The following TMEM164 variants were observed in gnomAD, a reference collection of about 807,000 sequenced individuals.
TMEM164 encodes transmembrane protein 164, also known as RP13-360B22.2.
TMEM164 carries 4 observed loss-of-function variants against 18.8 expected under a neutral mutation model. That is an observed-to-expected ratio of 0.21 (90% CI 0.10 to 0.49). The LOEUF is 0.49. Ranked by LOEUF, TMEM164 falls within the 20% of genes least tolerant of loss-of-function variation. TMEM164 has a pLI of 0.98. For missense variants in TMEM164, 108 were observed against 239.9 expected (o/e 0.45, Z 3.63); for synonymous variants, 86 against 101.7 (o/e 0.85, Z 0.93).
intron 2 of TMEM164, among the ~76,000 whole-genome samples, chrX:110,027,073 C>A (rs1232066038): frequency 1.8e-5 from 2 of 110,879 alleles, no homozygotes; most frequent in African/African-American, 6.6e-5. Context: ...CCGTATAGTG[C>A]TTAATACAAG....
At position 110,068,407 on chromosome X, in the gene TMEM164, A is replaced by C. The variant is rs138685650; in HGVS notation, c.440+1011A>C. Among the ~76,000 whole-genome samples, 582 of 112,054 alleles carry C rather than the reference A, an allele frequency of 5.2e-3. 6 individuals carry two copies. Among genetic ancestry groups the C allele is most frequent in the African/African-American group, 0.018 (552 of 30,881 alleles). ...TATTTAACCCTGTTTTCCTTCCTTG[A>C]TTTTCCAAAATGAGCTCAATTATTC... On this transcript the variant is annotated intron_variant, in intron 3 of 6. Coordinates refer to ENST00000372068, the MANE Select transcript of TMEM164 (RefSeq NM_032227.4).
At chrX:110,018,701 T>C (rs746392450) in intron 2 of TMEM164, among the ~76,000 whole-genome samples, 1 of 112,525 alleles carries the variant, frequency 8.9e-6, no homozygotes, top group African/African-American at 3.2e-5. Flanking sequence ...ATGGGGTTCT[T>C]GTAAGAATTA....
chrX:110,072,284 G>A (rs2065605304), intron 3 of TMEM164, among the ~76,000 whole-genome samples: 1 of 79,227 alleles, frequency 1.3e-5, no homozygotes, highest in African/African-American at 4.9e-5. Flanking sequence ...CTGGGCGACA[G>A]AGACTCCATC....
At chrX:110,010,746 C>T (rs778159798) in intron 2 of TMEM164, among the ~76,000 whole-genome samples, 8 of 111,603 alleles carry the variant, frequency 7.2e-5, no homozygotes, top group Non-Finnish European at 1.3e-4. Context: ...ATCTCAATAC[C>T]TGTTAAATAG....
At chrX:110,165,484 CTT>C (rs2148122112) in intron 5 of TMEM164, among the ~76,000 whole-genome samples, 1 of 112,523 alleles carries the variant, frequency 8.9e-6, no homozygotes, top group Non-Finnish European at 1.9e-5. Flanking sequence ...ACGATTGCCT[CTT>C]TAATTTTGTC....
chrX:110,155,845 T>C (rs1272603165), intron 5 of TMEM164, among the ~76,000 whole-genome samples: 1 of 112,483 alleles, frequency 8.9e-6, no homozygotes, highest in African/African-American at 3.2e-5. Flanking sequence ...CTTGTCCATC[T>C]CTTTGGCCTC....
At chrX:110,125,763 G>T in intron 4 of TMEM164, among the ~76,000 whole-genome samples, 1 of 112,499 alleles carries the variant, frequency 8.9e-6, no homozygotes, top group Non-Finnish European at 1.9e-5. Flanking sequence ...GCCAGTTCCA[G>T]GCATCAGCTG....
At chrX:110,071,619 C>T (rs922173084) in intron 3 of TMEM164, among the ~76,000 whole-genome samples, 2 of 98,118 alleles carry the variant, frequency 2.0e-5, no homozygotes, top group African/African-American at 7.6e-5. Flanking sequence ...GTGGCTCATG[C>T]GTATAATCCC....
intron 4 of TMEM164, among the ~76,000 whole-genome samples, chrX:110,124,079 C>T (rs1400071279): frequency 9.2e-6 from 1 of 108,250 alleles, no homozygotes; most frequent in East Asian, 2.9e-4. Flanking sequence ...TCATGCCATA[C>T]ACTCCAGCGT....
At chrX:110,012,463 C>G (rs1415264435) in intron 2 of TMEM164, among the ~76,000 whole-genome samples, 1 of 111,942 alleles carries the variant, frequency 8.9e-6, no homozygotes, top group Non-Finnish European at 1.9e-5. Flanking sequence ...AAAAAAGGGC[C>G]TTGTTACCCT....
At chrX:110,106,666 G>A (rs1287445015) in intron 3 of TMEM164, among the ~76,000 whole-genome samples, 1 of 111,630 alleles carries the variant, frequency 9.0e-6, no homozygotes, top group East Asian at 2.8e-4. Flanking sequence ...GAGTCACCAC[G>A]CCCAGCCCAG....
At chrX:110,030,410 G>A (rs374566727) in intron 2 of TMEM164, among the ~76,000 whole-genome samples, 14 of 105,952 alleles carry the variant, frequency 1.3e-4, no homozygotes, top group African/African-American at 2.8e-4. Flanking sequence ...ATGAGCCATC[G>A]CATTCGGCCT....
intron 4 of TMEM164, among the ~76,000 whole-genome samples, chrX:110,126,262 G>T (rs1027004890): frequency 2.7e-5 from 3 of 111,735 alleles, no homozygotes; most frequent in Non-Finnish European, 5.7e-5. Context: ...GAAGGACGAG[G>T]GAATCCTGCC....
intron 2 of TMEM164, among the ~76,000 whole-genome samples, chrX:110,048,492 T>A (rs1328892285): frequency 9.0e-6 from 1 of 111,209 alleles, no homozygotes; most frequent in Non-Finnish European, 1.9e-5. Context: ...GGCCGGTAAA[T>A]GAATGATGTT....
chrX:110,105,011 C>CA (rs2066166147), intron 3 of TMEM164, among the ~76,000 whole-genome samples: 2 of 111,784 alleles, frequency 1.8e-5, no homozygotes, highest in Non-Finnish European at 3.8e-5. Context: ...GTCTGTCCAT[C>CA]TGCTTTCTCT....
Position 110,004,140 on chromosome X carries a change from C to T in TMEM164, c.366C>T (p.Pro122=), listed in dbSNP as rs1461388500. The part of the protein sequence containing the change: ...ATKTVIYLLN[P]CHLVTMMHIF... ...AGACCGTCATCTACCTGCTCAACCC[C>T]TGTCACCTGGTCACCATGATGCATG... Residue 122 remains proline, a synonymous_variant, in exon 2 of 7, where the codon CCC becomes CCT. Coordinates refer to ENST00000372068, the MANE Select transcript of TMEM164 (RefSeq NM_032227.4). The T allele has an allele frequency of 2.5e-6, 3 of 1,202,519 alleles. No individual in the cohort carries two copies. In the Admixed American group the frequency reaches 6.6e-5, roughly 27 times the overall value.
chrX:110,139,852 A>G (rs1299889368), intron 4 of TMEM164, among the ~76,000 whole-genome samples: 1 of 110,343 alleles, frequency 9.1e-6, no homozygotes, highest in African/African-American at 3.3e-5. Context: ...GAAGTGGGAA[A>G]ATTGTGAGAG....
chrX:110,166,171 C>T (rs1429995822), intron 5 of TMEM164, among the ~76,000 whole-genome samples: 1 of 111,551 alleles, frequency 9.0e-6, no homozygotes, highest in Non-Finnish European at 1.9e-5. Flanking sequence ...TTTCATGTCT[C>T]CACAGCTTTT....
chrX:110,084,485 G>T (rs1258136981), intron 3 of TMEM164, among the ~76,000 whole-genome samples: 42 of 59,332 alleles, frequency 7.1e-4, no homozygotes, highest in African/African-American at 2.2e-3. Flanking sequence ...TATAGAGAGA[G>T]AGAGAGAGAG....
Sources: allele counts gnomAD v4.1 joint callset (sites outside exome capture counted in the v4.1 genomes callset), GRCh38; gene constraint gnomAD v4.1.1; transcripts MANE v1.5; gene names NCBI Gene and HGNC (gene_info 2026-07-23, HGNC 2026-07-21).